ADGRA2: variants seen among roughly 807,000 people sequenced by gnomAD.
ADGRA2 encodes the protein adhesion G protein-coupled receptor A2.
Under a neutral mutation model 98.7 loss-of-function variants are expected in ADGRA2, and 61 were observed. That is an observed-to-expected ratio of 0.62 (90% CI 0.50 to 0.76). The LOEUF (loss-of-function observed/expected upper bound fraction) is 0.76. Among genes scored for constraint, ADGRA2 ranks in the 30% least tolerant of loss-of-function variants. ADGRA2 has a pLI of 0.00. For missense variants in ADGRA2, 1,712 were observed against 1,860.0 expected (o/e 0.92, Z 1.46); for synonymous variants, 858 against 831.5 (o/e 1.03, Z -0.55).
Position 37,844,758 on chromosome 8 carries a change from T to A in ADGRA2, c.*2403T>A, listed in dbSNP as rs776175538. The stretch of plus-strand genomic sequence containing the variant: ...TCCCACCTCCCCTTCTCCTTGCCCC[T>A]GTCCCCACCCCGGTGGCTCCTTCTC... On this transcript the variant is annotated 3_prime_UTR_variant, in exon 19 of 19. Transcript: ENST00000412232. The A allele has an allele frequency of 6.8e-6, 11 of 1,613,798 alleles. No homozygotes were observed. In the East Asian group the frequency reaches 2.5e-4, roughly 36 times the overall value.
Position 37,844,847 on chromosome 8 carries a change from G to A in ADGRA2, c.*2492G>A, listed in dbSNP as rs1563358056. The A allele has an allele frequency of 3.1e-6, 5 of 1,614,192 alleles. No individual in the cohort carries two copies. Among genetic ancestry groups the A allele is most frequent in the Non-Finnish European group, 3.4e-6 (4 of 1,180,044 alleles). On this transcript the variant is annotated 3_prime_UTR_variant, in exon 19 of 19. Transcript: ENST00000412232. Reference sequence around the variant, plus strand: ...AGCGGACCAGTGACTGGCGGTGCTGGAGAAGGTCACCGATGTGCTTCACCA... The same window carrying A: ...AGCGGACCAGTGACTGGCGGTGCTGAAGAAGGTCACCGATGTGCTTCACCA...
At position 37,835,205 on chromosome 8, in the gene ADGRA2, T is replaced by A; in HGVS notation, c.1640T>A (p.Leu547His). The change falls in exon 12 of 19, where the codon CTC becomes CAC. Residue 547 changes from leucine (L) to histidine (H), a missense_variant. By Grantham distance (99) the Leu-to-His change is moderately conservative. Coordinates refer to ENST00000412232, the MANE Select transcript of ADGRA2 (RefSeq NM_032777.10). ...NARNVALEAY[L>H]IKPHSYVGLT... ...AGGAACGTGGCATTGGAGGCCTACC[T>A]CATCAAGCCGCACAGCTACGTGGGC... The A allele has an allele frequency of 1.9e-6, 3 of 1,613,812 alleles. No homozygotes were observed. Among genetic ancestry groups the A allele is most frequent in the Non-Finnish European group, 2.5e-6 (3 of 1,179,922 alleles).
At chr8:37,838,018 C>A in intron 14 of ADGRA2, 79 bp downstream of exon 14, 1 of 1,140,312 alleles carries the variant, frequency 8.8e-7, no homozygotes, top group Non-Finnish European at 1.2e-6. Flanking sequence ...GTACTCTGAC[C>A]ATTTGGGACC....
rs1398058737 is a variant in ADGRA2, at chr8:37,817,886, G to A, written c.338+2919G>A. Among the ~76,000 whole-genome samples, 5 of 152,076 alleles carry A rather than the reference G, an allele frequency of 3.3e-5. No homozygotes were observed. In the East Asian group the frequency reaches 9.6e-4, roughly 29 times the overall value. ...ACAAAAATTAGCCGGGTGTGGTGGT[G>A]GGTGCCTGTAATCTCAGCTACTTGG... On this transcript the variant is annotated intron_variant, in intron 2 of 18. Coordinates refer to ENST00000412232, the MANE Select transcript of ADGRA2 (RefSeq NM_032777.10).
At position 37,835,174 on chromosome 8, in the gene ADGRA2, A is replaced by G; in HGVS notation, c.1609A>G (p.Asn537Asp). ...GGGATGACAAGGTCCCTGTCCCCAGAATGCGAGGAACGTGGCATTGGAGGC... is the reference window on the plus strand; with the variant it reads ...GGGATGACAAGGTCCCTGTCCCCAGGATGCGAGGAACGTGGCATTGGAGGC... ...LSPHAQHISV[N>D]ARNVALEAYL... is the part of the protein sequence containing the mutation. Residue 537 changes from asparagine (N) to aspartate (D), a missense_variant and splice_region_variant, in exon 12 of 19, where the codon AAT (asparagine) becomes GAT (aspartate). Coordinates refer to ENST00000412232, the MANE Select transcript of ADGRA2 (RefSeq NM_032777.10). 4 of 1,611,862 alleles carry G rather than the reference A, an allele frequency of 2.5e-6. No individual in the cohort carries two copies. The highest frequency in any genetic ancestry group is 1.7e-5 in the Admixed American group (1 of 60,006).
At chr8:37,840,666 A>G in intron 17 of ADGRA2, 94 bp from the exon 18 acceptor site, 1 of 740,924 alleles carries the variant, frequency 1.3e-6, no homozygotes, top group Non-Finnish European at 2.4e-6. Context: ...GGGAAAGAGG[A>G]TGGGACAGAA....
rs1297411144 is a variant in ADGRA2, at chr8:37,844,231, AG to A, written c.*1878del. On this transcript the variant is annotated 3_prime_UTR_variant, in exon 19 of 19. Transcript: ENST00000412232. The stretch of plus-strand genomic sequence containing the variant: ...CCTGACATTTTCCCATCCATCTATG[AG>A]GAAAGCCATCTCACAGAACATGGAC... The A allele has an allele frequency of 6.1e-6, 3 of 492,716 alleles. No individual in the cohort carries two copies. Among genetic ancestry groups the A allele is most frequent in the Non-Finnish European group, 1.1e-5 (3 of 274,014 alleles). The allele number at this position is 492,716 out of a possible 1,614,324, so 30.5% of individuals were successfully genotyped here.
At chr8:37,817,746 G>T (rs924942449) in intron 2 of ADGRA2, among the ~76,000 whole-genome samples, 5 of 152,152 alleles carry the variant, frequency 3.3e-5, no homozygotes, top group Non-Finnish European at 7.4e-5. Context: ...GCCAGGCATG[G>T]TGGCTCACGC....
chr8:37,813,896 C>G (rs1393394857), intron 1 of ADGRA2, among the ~76,000 whole-genome samples: 1 of 152,200 alleles, frequency 6.6e-6, no homozygotes, highest in East Asian at 1.9e-4. Context: ...CTTGTTCCTT[C>G]CCACTTCCCC....
rs992138314 is a variant in ADGRA2, at chr8:37,837,811, G to A, written c.2131G>A (p.Ala711Thr). 4.8e-5 allele frequency: 74 copies of A among 1,542,838 alleles called. No individual in the cohort carries two copies. The highest frequency in any genetic ancestry group is 7.3e-5 in the East Asian group (3 of 41,012). ...GGCTGAGGGAGCCGAACCTGTGGCC[G>A]CTTGGTGGAGCCAGGAGGGGCCCGG... is the stretch of plus-strand genomic sequence containing the variant. ...HWAEGAEPVA[A>T]WWSQEGPGEA... Residue 711 changes from alanine (A) to threonine (T), a missense_variant, in exon 14 of 19, where the codon GCT becomes ACT. Transcript: ENST00000412232.
At chr8:37,836,666 A>G (rs1031799347) in intron 13 of ADGRA2, among the ~76,000 whole-genome samples, 1 of 152,096 alleles carries the variant, frequency 6.6e-6, no homozygotes, top group Non-Finnish European at 1.5e-5. Flanking sequence ...CCTTCAGTCC[A>G]TCCCTCATGC....
intron 2 of ADGRA2, among the ~76,000 whole-genome samples, chr8:37,815,896 G>T (rs1804965012): frequency 1.3e-5 from 2 of 152,178 alleles, no homozygotes; most frequent in South Asian, 4.1e-4. Context: ...CTCTCCTAGA[G>T]CCTGACTCTT....
In ADGRA2 at chr8:37,835,276, A is replaced by G. The variant is rs1436268965; in HGVS notation, c.1711A>G (p.Thr571Ala). 1 of 1,613,866 alleles carries G rather than the reference A, an allele frequency of 6.2e-7. No individual in the cohort carries two copies. The highest frequency in any genetic ancestry group is 1.1e-5 in the South Asian group (1 of 91,070). The change falls in exon 12 of 19, where the codon ACA becomes GCA. Residue 571 changes from threonine to alanine, a missense_variant. Physicochemically the swap from Thr to Ala is moderately conservative, Grantham distance 58 (BLOSUM62 0). Coordinates refer to ENST00000412232, the MANE Select transcript of ADGRA2 (RefSeq NM_032777.10). ...FQRREGGVPG[T>A]RPGSPGQNPP... is the part of the protein sequence containing the mutation. ...GAGGAGGGAGGGAGGGGTGCCGGGCACACGGCCAGGAAGCCCTGGCCAGAA... is the reference window on the plus strand; with the variant it reads ...GAGGAGGGAGGGAGGGGTGCCGGGCGCACGGCCAGGAAGCCCTGGCCAGAA...
chr8:37,830,707 C>T lies in ADGRA2; in HGVS notation c.719-3C>T, dbSNP rs534597198. On this transcript the variant is annotated splice_polypyrimidine_tract_variant and splice_region_variant and intron_variant, in intron 6 of 18. Coordinates refer to ENST00000412232, the MANE Select transcript of ADGRA2 (RefSeq NM_032777.10). The surrounding 1 kb of genome is among the most constrained non-coding windows in gnomAD (Gnocchi z 4.8). ...GCCTCACGCCTGGTGTCTCCTCCCA[C>T]AGAGGGGGCCCTGGAGCTGCACACA... The T allele has an allele frequency of 6.6e-5, 105 of 1,596,602 alleles. No individual in the cohort carries two copies. In the East Asian group the frequency reaches 2.3e-3, roughly 34 times the overall value.
chr8:37,810,518 A>AG (rs1273314576), intron 1 of ADGRA2, among the ~76,000 whole-genome samples: 1 of 151,490 alleles, frequency 6.6e-6, no homozygotes. Context: ...TCAAAAAAAA[A>AG]GAAAAGAAAC....
At chr8:37,815,533 C>A (rs1804955118) in intron 2 of ADGRA2, among the ~76,000 whole-genome samples, 1 of 152,210 alleles carries the variant, frequency 6.6e-6, no homozygotes, top group African/African-American at 2.4e-5. Context: ...GCGTTCCCCG[C>A]TAGCCGGCTG....
rs769265984 is a variant in ADGRA2, at chr8:37,841,886, A to G, written c.3548A>G (p.His1183Arg). ...PNNVHHGRRA[H>R]KSRAKGHRAG... ...AACGTGCACCACGGGCGTCGGGCGC[A>G]CAAGAGCCGGGCCAAGGGACACCGC... The change falls in exon 19 of 19, where the codon CAC (histidine) becomes CGC (arginine). Residue 1183 changes from histidine to arginine, a missense_variant. Transcript: ENST00000412232. The surrounding 1 kb of genome is among the most constrained non-coding windows in gnomAD (Gnocchi z 5.0). The G allele has an allele frequency of 7.2e-6, 11 of 1,534,678 alleles. No individual in the cohort carries two copies. The South Asian group carries it at 9.5e-5, about 13-fold the overall frequency.
intron 2 of ADGRA2, among the ~76,000 whole-genome samples, chr8:37,817,477 G>A (rs1348202234): frequency 6.7e-6 from 1 of 149,648 alleles, no homozygotes; most frequent in Non-Finnish European, 1.5e-5. Context: ...TTGGGAGGCA[G>A]GCAGATTGCT....
rs373709320 is a variant in ADGRA2 at position 37,840,868 on chromosome 8, C to T, written c.2747+19C>T. Reference sequence around the variant, plus strand: ...GCCCCTAGTGAGCACCCCTCCCTCCCGCCCCAAGCCTACCTACCTAACACC... The same window carrying T: ...GCCCCTAGTGAGCACCCCTCCCTCCTGCCCCAAGCCTACCTACCTAACACC... On this transcript the variant is annotated intron_variant, in intron 18 of 18. Transcript: ENST00000412232. 1.7e-5 allele frequency: 23 copies of T among 1,369,640 alleles called. No homozygotes were observed. The highest frequency in any genetic ancestry group is 2.3e-5 in the Non-Finnish European group (22 of 963,574). 84.8% of individuals were successfully genotyped at this position (1,369,640 alleles called of 1,614,324 possible). A position where few individuals can be genotyped will look rare whatever the true frequency, so the allele number is the denominator to read the frequency against.
Sources: gnomAD v4.1 joint callset for allele counts (sites outside exome capture counted in the v4.1 genomes callset) on GRCh38, gnomAD v4.1.1 for gene constraint, Gnocchi (gnomAD v3.1) non-coding constraint, MANE v1.5 for transcripts, NCBI Gene and HGNC (gene_info 2026-07-23, HGNC 2026-07-21) for gene names.